THNSL1: variants seen among roughly 807,000 people sequenced by gnomAD.
THNSL1 encodes threonine synthase-like 1.
Under a neutral mutation model 50.4 loss-of-function variants are expected in THNSL1, and 48 were observed. The ratio of observed to expected loss-of-function variants is 0.95; its 90% CI spans 0.76 to 1.21. The LOEUF (loss-of-function observed/expected upper bound fraction) is 1.21. Ranked by LOEUF, THNSL1 falls within the 50% of genes most tolerant of loss-of-function variation. The pLI is 0.00. For missense variants in THNSL1, 896 were observed against 871.7 expected (o/e 1.03, Z -0.35); for synonymous variants, 309 against 306.1 (o/e 1.01, Z -0.10).
chr10:24,970,909 A>T, the THNSL1 span, among the ~76,000 whole-genome samples: 1 of 152,040 alleles, frequency 6.6e-6, no homozygotes, highest in African/African-American at 2.4e-5. Context: ...CTGTAATCTC[A>T]GCTACTCAGG....
chr10:24,978,723 C>T, the THNSL1 span, among the ~76,000 whole-genome samples: 1 of 152,228 alleles, frequency 6.6e-6, no homozygotes, highest in South Asian at 2.1e-4. Flanking sequence ...TGGTGCAAAT[C>T]ATTGGTTCTG....
At chr10:24,958,363 C>A in the THNSL1 span, among the ~76,000 whole-genome samples, 1 of 152,144 alleles carries the variant, frequency 6.6e-6, no homozygotes, top group African/African-American at 2.4e-5. Flanking sequence ...TAGTGCCGAA[C>A]AAAACTCTTT....
chr10:25,025,747 TGGA>T lies in THNSL1; in HGVS notation c.*293_*295del. 3.3e-6 allele frequency: 1 copy of T among 303,754 alleles called. No homozygotes were observed. The allele number at this position is 303,754 out of a possible 1,614,324, so 18.8% of individuals were successfully genotyped here. A position where few individuals can be genotyped will look rare whatever the true frequency, so the allele number is the denominator to read the frequency against. The stretch of plus-strand genomic sequence containing the variant: ...CCACTCCCACACCCTCACTGTTATG[TGGA>T]CCAAAATGTCTGGTATACTATTTGG... On this transcript the variant is annotated 3_prime_UTR_variant, in exon 3 of 3. Coordinates refer to ENST00000376356, the MANE Select transcript of THNSL1 (RefSeq NM_024838.5).
At chr10:24,996,095 A>T in the THNSL1 span, among the ~76,000 whole-genome samples, 1 of 152,208 alleles carries the variant, frequency 6.6e-6, no homozygotes, top group Non-Finnish European at 1.5e-5. Context: ...ATAATTTTTT[A>T]AAAAGAAAAA....
the THNSL1 span, among the ~76,000 whole-genome samples, chr10:24,990,166 T>C: frequency 6.6e-6 from 1 of 152,352 alleles, no homozygotes; most frequent in East Asian, 1.9e-4. Context: ...ATGCTTTATT[T>C]GCTTCATTTC....
the THNSL1 span, among the ~76,000 whole-genome samples, chr10:24,992,054 G>A: frequency 1.3e-5 from 2 of 152,252 alleles, no homozygotes; most frequent in African/African-American, 4.8e-5. Flanking sequence ...ACGACTGACA[G>A]TGAAGCCATC....
the THNSL1 span, chr10:24,999,698 C>CCAT: frequency 1.1e-5 from 8 of 737,838 alleles, no homozygotes; most frequent in Non-Finnish European, 1.5e-5. Flanking sequence ...TGAGCCCTGT[C>CCAT]CATCAGACTT....
upstream of THNSL1, chr10:25,015,872 G>C (rs375309904): frequency 2.5e-6 from 4 of 1,605,240 alleles, no homozygotes; most frequent in African/African-American, 5.4e-5. Flanking sequence ...AGGAGGCTGG[G>C]GAGGCTCCTT....
the THNSL1 span, among the ~76,000 whole-genome samples, chr10:24,966,808 G>A: frequency 6.6e-6 from 1 of 152,136 alleles, no homozygotes; most frequent in Non-Finnish European, 1.5e-5. Flanking sequence ...ATCAGTAAAA[G>A]AGGATGATAA....
chr10:24,967,995 A>ATGTGTGTGTGTG, the THNSL1 span, among the ~76,000 whole-genome samples: 128 of 139,768 alleles, frequency 9.2e-4, no homozygotes, highest in African/African-American at 3.2e-3. Context: ...TATGTGTATG[A>ATGTGTGTGTGTG]TGTGTGTGTG....
the THNSL1 span, among the ~76,000 whole-genome samples, chr10:24,972,507 C>CAAAAAAAA: frequency 0.011 from 1,401 of 132,922 alleles, 21 homozygotes; most frequent in African/African-American, 0.033. Context: ...GACTCTGTCT[C>CAAAAAAAA]AAAAAAAAAA....
the THNSL1 span, among the ~76,000 whole-genome samples, chr10:24,986,060 A>G: frequency 6.6e-6 from 1 of 152,162 alleles, no homozygotes; most frequent in African/African-American, 2.4e-5. Context: ...CAGAGCAGAG[A>G]CCCTGCCTGA....
At chr10:24,952,906 C>T in the THNSL1 span, among the ~76,000 whole-genome samples, 4 of 151,780 alleles carry the variant, frequency 2.6e-5, no homozygotes, top group African/African-American at 7.3e-5. This position sits in a 1 kb window ranked among gnomAD's most constrained non-coding sequence, Gnocchi z 5.1. Context: ...TCGCGTGCAG[C>T]CCCCGGCCCC....
At chr10:25,010,110 T>A in the THNSL1 span, among the ~76,000 whole-genome samples, 1 of 152,178 alleles carries the variant, frequency 6.6e-6, no homozygotes, top group Non-Finnish European at 1.5e-5. Context: ...TGGGAAAGTT[T>A]GGAGCTTCCT....
the THNSL1 span, among the ~76,000 whole-genome samples, chr10:24,981,312 C>G: frequency 6.6e-6 from 1 of 152,140 alleles, no homozygotes; most frequent in Admixed American, 6.5e-5. Context: ...CTCAGTGACT[C>G]TCTGGCATCA....
At chr10:25,001,285 T>G in the THNSL1 span, among the ~76,000 whole-genome samples, 1 of 151,834 alleles carries the variant, frequency 6.6e-6, no homozygotes, top group Non-Finnish European at 1.5e-5. Context: ...TCTATATAAT[T>G]TTTCTTTTTT....
At chr10:25,007,174 A>G in the THNSL1 span, among the ~76,000 whole-genome samples, 1 of 152,204 alleles carries the variant, frequency 6.6e-6, no homozygotes, top group African/African-American at 2.4e-5. Context: ...CCTGATCTGT[A>G]AAAATGAATT....
At chr10:25,018,406 G>A (rs1018532720) in intron 1 of THNSL1, among the ~76,000 whole-genome samples, 3 of 152,216 alleles carry the variant, frequency 2.0e-5, no homozygotes, top group African/African-American at 7.2e-5. Context: ...GGGGTAGACA[G>A]TAAATATTTC....
chr10:24,989,525 C>T, the THNSL1 span, among the ~76,000 whole-genome samples: 1 of 152,186 alleles, frequency 6.6e-6, no homozygotes, highest in Admixed American at 6.5e-5. Flanking sequence ...ATATTCACAT[C>T]TATACATGTA....
Sources: allele counts gnomAD v4.1 joint callset (sites outside exome capture counted in the v4.1 genomes callset), GRCh38; gene constraint gnomAD v4.1.1; non-coding constraint Gnocchi (gnomAD v3.1); transcripts MANE v1.5; gene names NCBI Gene and HGNC (gene_info 2026-07-23, HGNC 2026-07-21).